UMAD1: variants seen among roughly 807,000 people sequenced by gnomAD.
The protein encoded by UMAD1 is UBAP1-MVB12-associated (UMA) domain containing 1, also known as UBAP1-MVB12-associated (UMA)-domain containing protein 1.
Under a neutral mutation model 6.1 loss-of-function variants are expected in UMAD1, and 8 were observed. The ratio of observed to expected loss-of-function variants is 1.30; its 90% confidence interval spans 0.76 to 2.35. UMAD1 has a LOEUF of 2.35. Ranked by LOEUF, UMAD1 falls within the 30% of genes most tolerant of loss-of-function variation. The probability of loss-of-function intolerance (pLI) is 0.00; values close to 1 mark genes in which losing one functional copy is unlikely to be tolerated. For synonymous variants in UMAD1, 56 were observed against 31.4 expected (o/e 1.78, Z -2.61); for missense variants, 130 against 78.4 (o/e 1.66, Z -2.49).
At chr7:7,737,151 T>C (rs554811661) in intron 2 of UMAD1, among the ~76,000 whole-genome samples, 7 of 152,352 alleles carry the variant, frequency 4.6e-5, no homozygotes, top group African/African-American at 1.7e-4. Flanking sequence ...TTTCTGTATA[T>C]TAATTGAGGG....
chr7:7,682,762 G>T (rs28915977), intron 2 of UMAD1, among the ~76,000 whole-genome samples: 1 of 152,116 alleles, frequency 6.6e-6, no homozygotes, highest in African/African-American at 2.4e-5. Flanking sequence ...AGAAAAACTC[G>T]ATTTACATTT....
chr7:7,725,768 C>T (rs1332161408), intron 2 of UMAD1, among the ~76,000 whole-genome samples: 1 of 152,218 alleles, frequency 6.6e-6, no homozygotes, highest in African/African-American at 2.4e-5. Flanking sequence ...GGTCTCCACT[C>T]CTGCCACCCT....
At chr7:7,766,670 C>T (rs117871543) in intron 2 of UMAD1, among the ~76,000 whole-genome samples, 13 of 152,242 alleles carry the variant, frequency 8.5e-5, no homozygotes, top group Non-Finnish European at 1.9e-4. Flanking sequence ...TTGAAGATAG[C>T]ACTTCATTTA....
At chr7:7,794,222 C>A (rs1400709675) in intron 2 of UMAD1, among the ~76,000 whole-genome samples, 5 of 152,190 alleles carry the variant, frequency 3.3e-5, no homozygotes, top group Admixed American at 6.5e-5. Context: ...CCAACCCAGT[C>A]CACAACAGCC....
intron 2 of UMAD1, among the ~76,000 whole-genome samples, chr7:7,706,188 A>T (rs1780594294): frequency 6.6e-6 from 1 of 152,164 alleles, no homozygotes; most frequent in African/African-American, 2.4e-5. Context: ...ATTAGTGAAA[A>T]TATGTGAAGT....
intron 2 of UMAD1, among the ~76,000 whole-genome samples, chr7:7,716,850 G>T (rs544620035): frequency 2.0e-5 from 3 of 152,108 alleles, no homozygotes; most frequent in Non-Finnish European, 4.4e-5. Context: ...GGAGCCTGAG[G>T]CAGGAGAATG....
chr7:7,726,264 A>G (rs543103905), intron 2 of UMAD1, among the ~76,000 whole-genome samples: 2 of 152,340 alleles, frequency 1.3e-5, no homozygotes, highest in South Asian at 4.1e-4. Context: ...CCATGGACTC[A>G]TGGAATACCT....
At chr7:7,676,342 G>A (rs1483895069) in intron 2 of UMAD1, 4 of 391,410 alleles carry the variant, frequency 1.0e-5, no homozygotes, top group Non-Finnish European at 1.8e-5. Context: ...TGTGAGTGAG[G>A]TAGTACTATT....
At chr7:7,668,432 A>G (rs1205133125) in intron 1 of UMAD1, among the ~76,000 whole-genome samples, 1 of 152,186 alleles carries the variant, frequency 6.6e-6, no homozygotes, top group Non-Finnish European at 1.5e-5. Flanking sequence ...ATATTCACAT[A>G]ACTTTTATTA....
intron 3 of UMAD1, among the ~76,000 whole-genome samples, chr7:7,817,326 G>T (rs182914631): frequency 1.3e-5 from 2 of 152,302 alleles, no homozygotes; most frequent in East Asian, 3.9e-4. Flanking sequence ...TGCGTGGCAT[G>T]CATCAGCCAC....
chr7:7,859,923 A>G (rs967223247), intron 3 of UMAD1, among the ~76,000 whole-genome samples: 2 of 152,192 alleles, frequency 1.3e-5, no homozygotes, highest in Non-Finnish European at 2.9e-5. Context: ...ACTTTGTTGA[A>G]GCATTATAAT....
intron 1 of UMAD1, among the ~76,000 whole-genome samples, chr7:7,661,765 C>T (rs183625930): frequency 6.6e-6 from 1 of 152,308 alleles, no homozygotes; most frequent in Non-Finnish European, 1.5e-5. Flanking sequence ...AGGTGTCTCC[C>T]AGTCAGGAGA....
intron 2 of UMAD1, among the ~76,000 whole-genome samples, chr7:7,744,059 T>C (rs143815405): frequency 2.9e-3 from 442 of 152,276 alleles, no homozygotes; most frequent in African/African-American, 0.01. Context: ...TCTGTATCCA[T>C]TAGCAGTTAC....
At chr7:7,794,619 A>T (rs554571464) in intron 2 of UMAD1, among the ~76,000 whole-genome samples, 3 of 152,058 alleles carry the variant, frequency 2.0e-5, no homozygotes, top group African/African-American at 7.2e-5. Context: ...GACAAAACAG[A>T]CTCTTTGTAG....
chr7:7,816,236 GACTA>G (rs749457398), intron 3 of UMAD1, among the ~76,000 whole-genome samples: 2 of 152,160 alleles, frequency 1.3e-5, no homozygotes, highest in Non-Finnish European at 2.9e-5. Flanking sequence ...ACTTGCGCCT[GACTA>G]ACCACAAAAC....
At chr7:7,717,959 T>G (rs1271498992) in intron 2 of UMAD1, among the ~76,000 whole-genome samples, 1 of 152,254 alleles carries the variant, frequency 6.6e-6, no homozygotes, top group Admixed American at 6.5e-5. Context: ...CACAGAGTGC[T>G]GTAGATTCTG....
intron 1 of UMAD1, among the ~76,000 whole-genome samples, chr7:7,650,020 G>A (rs1313106854): frequency 1.3e-5 from 2 of 152,206 alleles, no homozygotes; most frequent in Non-Finnish European, 2.9e-5. Context: ...CTGTTTATAA[G>A]TTACCTAATT....
At chr7:7,864,789 G>T (rs1431392320) in intron 3 of UMAD1, among the ~76,000 whole-genome samples, 1 of 152,106 alleles carries the variant, frequency 6.6e-6, no homozygotes, top group African/African-American at 2.4e-5. Flanking sequence ...AGGACCATTT[G>T]CCAGAGGAAC....
chr7:7,648,372 G>T (rs1419275423), intron 1 of UMAD1, among the ~76,000 whole-genome samples: 1 of 152,174 alleles, frequency 6.6e-6, no homozygotes, highest in Non-Finnish European at 1.5e-5. Flanking sequence ...TGGCCTGACA[G>T]CTTTAACTTT....
Sources: allele counts gnomAD v4.1 joint callset (sites outside exome capture counted in the v4.1 genomes callset), GRCh38; gene constraint gnomAD v4.1.1; transcripts MANE v1.5; gene names NCBI Gene and HGNC (gene_info 2026-07-23, HGNC 2026-07-21).